The following PIBF1 variants were observed in gnomAD, a reference collection of about 807,000 sequenced individuals.
PIBF1 encodes progesterone-induced-blocking factor 1.
In PIBF1, 90 loss-of-function variants were observed where a neutral mutation model predicts 112.5. The observed-to-expected ratio is 0.80, with a 90% CI of 0.67 to 0.95. The LOEUF (loss-of-function observed/expected upper bound fraction) is 0.95, where lower values mean the gene tolerates loss of function less well. PIBF1 is among the 40% of genes least tolerant of loss of function. The pLI is 0.00. For synonymous variants in PIBF1, 301 were observed against 288.6 expected (o/e 1.04, Z -0.44); for missense variants, 915 against 852.3 (o/e 1.07, Z -0.92).
chr13:72,872,193 A>G (rs888501326), intron 10 of PIBF1, among the ~76,000 whole-genome samples: 2 of 152,192 alleles, frequency 1.3e-5, no homozygotes, highest in African/African-American at 4.8e-5. Flanking sequence ...TTTGTTACAT[A>G]ATGTGTTAAA....
chr13:73,010,845 CAG>C (rs2044181249), intron 17 of PIBF1, among the ~76,000 whole-genome samples: 1 of 16,312 alleles, frequency 6.1e-5, no homozygotes, highest in Admixed American at 6.6e-4. Flanking sequence ...TTTTTTGAGA[CAG>C]AGTTTTTCAC....
chr13:72,862,364 G>A (rs2038732013), intron 10 of PIBF1, among the ~76,000 whole-genome samples: 1 of 152,168 alleles, frequency 6.6e-6, no homozygotes, highest in Admixed American at 6.6e-5. Flanking sequence ...AGGTACTTGG[G>A]AGGCTGAGGC....
rs1411328993 is a variant in PIBF1, at chr13:72,908,649, A to G, written c.1607A>G (p.Glu536Gly). The G allele has an allele frequency of 4.3e-6, 7 of 1,613,226 alleles. No homozygotes were observed. Among genetic ancestry groups the G allele is most frequent in the Non-Finnish European group, 5.9e-6 (7 of 1,179,514 alleles). Residue 536 changes from glutamate to glycine, a missense_variant, in exon 12 of 18, where the codon GAG (glutamate) becomes GGG (glycine). Transcript: ENST00000326291. ...RLDIYEKLEK[E>G]LDEIIMQTAE... Reference sequence around the variant, plus strand: ...GACATTTATGAGAAACTGGAAAAAGAGCTTGATGAAATAATAATGCAAACT... The same window carrying G: ...GACATTTATGAGAAACTGGAAAAAGGGCTTGATGAAATAATAATGCAAACT...
intron 10 of PIBF1, among the ~76,000 whole-genome samples, chr13:72,855,207 A>G (rs2038360903): frequency 6.6e-6 from 1 of 152,196 alleles, no homozygotes; most frequent in South Asian, 2.1e-4. Flanking sequence ...ACATAAAACT[A>G]AAATTTGAGG....
In PIBF1 at chr13:72,998,469, T is replaced by C. The variant is rs569104416; in HGVS notation, c.2050-353T>C. ...CAGCCTGGGTGACAGTGAGATCCTA[T>C]CTAAAAAAAAAAAAAAATTCCAAAG... On this transcript the variant is annotated intron_variant, in intron 16 of 17. Transcript: ENST00000326291. Among the ~76,000 whole-genome samples, 917 of 148,786 alleles carry C rather than the reference T, an allele frequency of 6.2e-3. 6 individuals carry two copies. The highest frequency in any genetic ancestry group is 0.017 in the Middle Eastern group (5 of 286).
At chr13:72,860,177 G>T (rs1435769000) in intron 10 of PIBF1, among the ~76,000 whole-genome samples, 1 of 152,130 alleles carries the variant, frequency 6.6e-6, no homozygotes, top group Non-Finnish European at 1.5e-5. Flanking sequence ...CTTTCATCCT[G>T]ATGTGACAAC....
At position 72,963,696 on chromosome 13, in the gene PIBF1, A is replaced by G. The variant is rs532080776; in HGVS notation, c.1834-1578A>G. Among the ~76,000 whole-genome samples, 107 of 152,244 alleles carry G rather than the reference A, an allele frequency of 7.0e-4. 1 individual carries two copies. The highest frequency in any genetic ancestry group is 2.6e-3 in the African/African-American group (107 of 41,562). On this transcript the variant is annotated intron_variant, in intron 14 of 17. Coordinates refer to ENST00000326291, the MANE Select transcript of PIBF1 (RefSeq NM_006346.4). ...CAAATTACATATCTAATAAGACTAT[A>G]TTATTAAGAATATATAGAGAACTCC... is the stretch of plus-strand genomic sequence containing the variant.
At chr13:72,792,185 A>T (rs2034967573) in intron 2 of PIBF1, among the ~76,000 whole-genome samples, 1 of 151,948 alleles carries the variant, frequency 6.6e-6, no homozygotes, top group African/African-American at 2.4e-5. Context: ...AATCCCAGCT[A>T]CTCAGGAGGC....
At chr13:73,007,669 C>T (rs984844747) in intron 17 of PIBF1, among the ~76,000 whole-genome samples, 1 of 151,946 alleles carries the variant, frequency 6.6e-6, no homozygotes, top group East Asian at 1.9e-4. Flanking sequence ...ATTAGCCGGG[C>T]GTGGTGGCGC....
Position 72,809,132 on chromosome 13 carries a change from C to CTTTTTTTTTT in PIBF1, c.672+11120_672+11129dup, listed in dbSNP as rs35219701. On this transcript the variant is annotated intron_variant, in intron 5 of 17. Coordinates refer to ENST00000326291, the MANE Select transcript of PIBF1 (RefSeq NM_006346.4). ...CACCACTTGGGGGCAGTATATGTCC[C>CTTTTTTTTTT]TTTTTTTTTTTTTTTTTTTTTTTAA... Among the ~76,000 whole-genome samples the CTTTTTTTTTT allele has an allele frequency of 1.9e-3, 145 of 74,822 alleles. 7 individuals are homozygous for CTTTTTTTTTT. Among genetic ancestry groups the CTTTTTTTTTT allele is most frequent in the African/African-American group, 8.6e-3 (138 of 16,042 alleles). 49.1% of individuals were successfully genotyped at this position (74,822 alleles called of 152,430 possible).
chr13:72,783,061 G>A (rs1159179499), intron 1 of PIBF1, among the ~76,000 whole-genome samples: 2 of 152,088 alleles, frequency 1.3e-5, no homozygotes, highest in African/African-American at 4.8e-5. Context: ...CTACCTCTGT[G>A]TAACGTTTCC....
intron 17 of PIBF1, among the ~76,000 whole-genome samples, chr13:73,008,614 A>G (rs775823174): frequency 3.3e-5 from 5 of 152,234 alleles, no homozygotes; most frequent in Non-Finnish European, 7.3e-5. Flanking sequence ...ACATTCATGG[A>G]TAGAGATAGA....
chr13:72,831,106 G>T (rs959681811), intron 8 of PIBF1, among the ~76,000 whole-genome samples: 1 of 151,780 alleles, frequency 6.6e-6, no homozygotes, highest in Non-Finnish European at 1.5e-5. Context: ...TGGGATCGTT[G>T]GTGAGCTCCC....
intron 15 of PIBF1, among the ~76,000 whole-genome samples, chr13:72,966,870 C>T (rs944820815): frequency 6.6e-6 from 1 of 151,840 alleles, no homozygotes; most frequent in Non-Finnish European, 1.5e-5. Flanking sequence ...GATCATTTCA[C>T]TGCACTCCAG....
At chr13:72,927,943 G>GTGTA (rs1465227662) in intron 13 of PIBF1, among the ~76,000 whole-genome samples, 111 of 86,378 alleles carry the variant, frequency 1.3e-3, no homozygotes, top group African/African-American at 8.3e-3. Flanking sequence ...TAATATATGT[G>GTGTA]TGTATATATA....
At chr13:72,926,978 G>C (rs1192481985) in intron 13 of PIBF1, among the ~76,000 whole-genome samples, 1 of 151,804 alleles carries the variant, frequency 6.6e-6, no homozygotes, top group African/African-American at 2.4e-5. Flanking sequence ...AATATTTTTC[G>C]AATGAATTAA....
At chr13:72,871,289 G>C (rs1316240031) in intron 10 of PIBF1, among the ~76,000 whole-genome samples, 1 of 152,022 alleles carries the variant, frequency 6.6e-6, no homozygotes, top group African/African-American at 2.4e-5. Context: ...GTGTCTGTCT[G>C]TCTGTCTCTC....
Position 72,985,251 on chromosome 13 carries a change from G to T in PIBF1, c.2049+11576G>T, listed in dbSNP as rs2043248499. ...CTGAAAATATTTGGTGGCCAGGCCG[G>T]GCGCAGTGGCTCACGCCTGTAATCC... On this transcript the variant is annotated intron_variant, in intron 16 of 17. Coordinates refer to ENST00000326291, the MANE Select transcript of PIBF1 (RefSeq NM_006346.4). Among the ~76,000 whole-genome samples, 3 of 151,598 alleles carry T rather than the reference G, an allele frequency of 2.0e-5. No homozygotes were observed. In the South Asian group the frequency reaches 6.2e-4, roughly 32 times the overall value.
chr13:72,985,597 A>G (rs1359953773), intron 16 of PIBF1, among the ~76,000 whole-genome samples: 1 of 152,134 alleles, frequency 6.6e-6, no homozygotes, highest in African/African-American at 2.4e-5. Context: ...CAATATTAAC[A>G]ATTATATGAG....
Sources: allele counts gnomAD v4.1 joint callset (sites outside exome capture counted in the v4.1 genomes callset), GRCh38; gene constraint gnomAD v4.1.1; transcripts MANE v1.5; gene names NCBI Gene and HGNC (gene_info 2026-07-23, HGNC 2026-07-21).